Variants in SLC24A1 observed in about 807,000 individuals in gnomAD.
The protein encoded by SLC24A1 is solute carrier family 24 member 1, also known as sodium/potassium/calcium exchanger 1.
A neutral mutation model predicts 88.1 loss-of-function variants in SLC24A1; 52 were observed. That is an observed-to-expected ratio of 0.59 (90% CI 0.47 to 0.74). The LOEUF is 0.74. Ranked by LOEUF, SLC24A1 falls within the 30% of genes least tolerant of loss-of-function variation. SLC24A1 has a pLI of 0.00. For missense variants in SLC24A1, 1,173 were observed against 1,363.3 expected (o/e 0.86, Z 2.20); for synonymous variants, 455 against 498.0 (o/e 0.91, Z 1.15).
intron 2 of SLC24A1, among the ~76,000 whole-genome samples, chr15:65,637,004 C>T (rs1234113641): frequency 6.6e-6 from 1 of 150,992 alleles, no homozygotes; most frequent in African/African-American, 2.4e-5. Flanking sequence ...GGAAGGGAAA[C>T]AGATAACTGT....
intron 3 of SLC24A1, among the ~76,000 whole-genome samples, chr15:65,639,182 G>C (rs1366640472): frequency 6.6e-6 from 1 of 152,114 alleles, no homozygotes; most frequent in Non-Finnish European, 1.5e-5. Context: ...TCTGGGAGTG[G>C]GGCAATGATA....
rs369293983 is a variant in SLC24A1, at chr15:65,624,148, G to A, written c.68G>A (p.Ser23Asn). ...CTCCGGACAAAGCGGCTTCATTGGA[G>A]TCGCCTCCTCTTCTTACTGGGAATG... Reference protein sequence around the residue: ...WLLRTKRLHWSRLLFLLGMLI... With the variant: ...WLLRTKRLHWNRLLFLLGMLI... Residue 23 changes from serine (S) to asparagine (N), a missense_variant, in exon 2 of 10, where the codon AGT becomes AAT. Coordinates refer to ENST00000261892, the MANE Select transcript of SLC24A1 (RefSeq NM_004727.3). The A allele has an allele frequency of 1.2e-6, 2 of 1,613,616 alleles. No individual in the cohort carries two copies. The highest frequency in any genetic ancestry group is 1.7e-6 in the Non-Finnish European group (2 of 1,179,780).
chr15:65,647,604 A>C (rs973292930), intron 6 of SLC24A1, among the ~76,000 whole-genome samples: 1 of 152,056 alleles, frequency 6.6e-6, no homozygotes, highest in African/African-American at 2.4e-5. Context: ...CAACACAGGA[A>C]GTGGAAGCTA....
intron 3 of SLC24A1, 121 bp from the exon 4 acceptor site, chr15:65,639,474 G>C (rs2075048396): frequency 3.1e-6 from 2 of 654,144 alleles, no homozygotes; most frequent in Non-Finnish European, 5.6e-6. Context: ...GGGAGGTCAG[G>C]ATAAGGCATC....
intron 2 of SLC24A1, among the ~76,000 whole-genome samples, chr15:65,627,501 C>T (rs1372418853): frequency 6.6e-6 from 1 of 152,330 alleles, no homozygotes; most frequent in East Asian, 1.9e-4. Context: ...CCTAACTCCC[C>T]ATTCAGTGCT....
At chr15:65,639,847 T>C in intron 4 of SLC24A1, 144 bp downstream of exon 4, 2 of 686,718 alleles carry the variant, frequency 2.9e-6, no homozygotes. Flanking sequence ...GTAGTAAAAG[T>C]CAGACAGTCT....
Position 65,650,362 on chromosome 15 carries a change from C to A in SLC24A1, c.2233-20C>A. 1 of 1,542,752 alleles carries A rather than the reference C, an allele frequency of 6.5e-7. No individual in the cohort carries two copies. Among genetic ancestry groups the A allele is most frequent in the Admixed American group, 2.0e-5 (1 of 50,470 alleles). On this transcript the variant is annotated intron_variant, in intron 6 of 9. Coordinates refer to ENST00000261892, the MANE Select transcript of SLC24A1 (RefSeq NM_004727.3). This position sits in a 1 kb window ranked among gnomAD's most constrained non-coding sequence, Gnocchi z 4.1. ...AGCAGAGCAGTTACCACACATTAAT[C>A]TGTTGGTTTTGGATTGCAGGAAGAT...
At chr15:65,626,946 G>A (rs1301366007) in intron 2 of SLC24A1, among the ~76,000 whole-genome samples, 1 of 152,108 alleles carries the variant, frequency 6.6e-6, no homozygotes, top group Non-Finnish European at 1.5e-5. Flanking sequence ...TTGGGTAAGG[G>A]TTGGCTCACA....
chr15:65,612,574 G>C (rs572430479), intron 1 of SLC24A1: 36 of 152,420 alleles, frequency 2.4e-4, no homozygotes, highest in African/African-American at 7.9e-4. Context: ...ATCTCACCAT[G>C]TCAAGACCTA....
At chr15:65,642,032 C>T (rs2075145452) in intron 4 of SLC24A1, among the ~76,000 whole-genome samples, 5 of 152,154 alleles carry the variant, frequency 3.3e-5, no homozygotes, top group Admixed American at 3.3e-4. Flanking sequence ...CTCTGGGTGT[C>T]TTTGGGGCAT....
chr15:65,657,227 AAT>A (rs2075711049), downstream of SLC24A1, among the ~76,000 whole-genome samples: 1 of 152,216 alleles, frequency 6.6e-6, no homozygotes, highest in South Asian at 2.1e-4. Context: ...TAGATTCGAA[AAT>A]AGTTTTACCA....
At chr15:65,634,488 G>T (rs567015360) in intron 2 of SLC24A1, among the ~76,000 whole-genome samples, 2 of 152,192 alleles carry the variant, frequency 1.3e-5, no homozygotes, top group South Asian at 4.1e-4. Context: ...TGAAGAAAGA[G>T]CAGGGAGAAT....
rs562119627 is a variant in SLC24A1 at position 65,622,982 on chromosome 15, T to C, written c.-127+890T>C. ...GTTTTGAACTCCTGACCTCAAGTGATCCGCCCACCTCAGCCTCCCAAAGTG... is the reference window on the plus strand; with the variant it reads ...GTTTTGAACTCCTGACCTCAAGTGACCCGCCCACCTCAGCCTCCCAAAGTG... On this transcript the variant is annotated intron_variant, in intron 1 of 9. Coordinates refer to ENST00000261892, the MANE Select transcript of SLC24A1 (RefSeq NM_004727.3). Among the ~76,000 whole-genome samples, 4 of 152,236 alleles carry C rather than the reference T, an allele frequency of 2.6e-5. No individual in the cohort carries two copies. In the South Asian group the frequency reaches 6.2e-4, roughly 24 times the overall value.
chr15:65,632,307 T>C (rs926506855), intron 2 of SLC24A1, among the ~76,000 whole-genome samples: 1 of 152,146 alleles, frequency 6.6e-6, no homozygotes, highest in African/African-American at 2.4e-5. Context: ...TCATCTGGAC[T>C]TGGTGTGAAG....
chr15:65,660,054 C>T (rs1285342837), downstream of SLC24A1: 10 of 454,896 alleles, frequency 2.2e-5, no homozygotes, highest in Non-Finnish European at 3.9e-5. Context: ...AAAGCCTCCC[C>T]CCTCTGAAAT....
chr15:65,624,635 G>T lies in SLC24A1; in HGVS notation c.555G>T (p.Lys185Asn). 1 of 1,593,770 alleles carries T rather than the reference G, an allele frequency of 6.3e-7. No individual in the cohort carries two copies. Among genetic ancestry groups the T allele is most frequent in the East Asian group, 2.3e-5 (1 of 43,820 alleles). Residue 185 changes from lysine (K) to asparagine (N), a missense_variant, in exon 2 of 10, where the codon AAG becomes AAT. Coordinates refer to ENST00000261892, the MANE Select transcript of SLC24A1 (RefSeq NM_004727.3). ...ACAGCCCAACTCAAGTGAGGGAAAA[G>T]GTGAAGTATACTCCTTCCCCACGTG... ...KSYSPTQVRE[K>N]VKYTPSPRGR...
In SLC24A1 at chr15:65,624,892, C is replaced by G; in HGVS notation, c.812C>G (p.Ser271Cys). 6.2e-7 allele frequency: 1 copy of G among 1,613,882 alleles called. No individual in the cohort carries two copies. The highest frequency in any genetic ancestry group is 8.5e-7 in the Non-Finnish European group (1 of 1,179,852). ...THEVEANVLT[S>C]PRSVMEKNNL... ...GAGGTAGAAGCAAACGTCTTGACTT[C>G]TCCAAGGAGCGTCATGGAAAAAAAC... The change falls in exon 2 of 10, where the codon TCT becomes TGT. Residue 271 changes from serine (S) to cysteine (C), a missense_variant. Coordinates refer to ENST00000261892, the MANE Select transcript of SLC24A1 (RefSeq NM_004727.3).
chr15:65,624,620 T>A lies in SLC24A1; in HGVS notation c.540T>A (p.Thr180=). 6.3e-7 allele frequency: 1 copy of A among 1,593,830 alleles called. No homozygotes were observed. The highest frequency in any genetic ancestry group is 8.5e-7 in the Non-Finnish European group (1 of 1,170,240). ...GAGAAATGAAGAGCTACAGCCCAAC[T>A]CAAGTGAGGGAAAAGGTGAAGTATA... ...PRGEMKSYSP[T]QVREKVKYTP... The change falls in exon 2 of 10, where the codon ACT becomes ACA. Residue 180 remains threonine (T), a synonymous_variant. Transcript: ENST00000261892.
Position 65,644,309 on chromosome 15 carries a change from C to A in SLC24A1, c.2054-118C>A, listed in dbSNP as rs567107864. On this transcript the variant is annotated intron_variant, in intron 4 of 9. Transcript: ENST00000261892. Reference sequence around the variant, plus strand: ...CCAGATGTCACAACCCCCATGGCAGCCTTTTCCCACACTCTGCAGCTGCCC... The same window carrying A: ...CCAGATGTCACAACCCCCATGGCAGACTTTTCCCACACTCTGCAGCTGCCC... 1.9e-4 allele frequency: 140 copies of A among 741,916 alleles called. No individual in the cohort carries two copies. The East Asian group carries it at 1.9e-3, about 10-fold the overall frequency. 46.0% of individuals were successfully genotyped at this position (741,916 alleles called of 1,614,324 possible).
Sources: allele counts gnomAD v4.1 joint callset (sites outside exome capture counted in the v4.1 genomes callset), GRCh38; gene constraint gnomAD v4.1.1; non-coding constraint Gnocchi (gnomAD v3.1); transcripts MANE v1.5; gene names NCBI Gene and HGNC (gene_info 2026-07-23, HGNC 2026-07-21).